SPEG: variants seen among roughly 807,000 people sequenced by gnomAD.
The protein encoded by SPEG is striated muscle preferentially expressed protein kinase.
SPEG carries 114 observed loss-of-function variants against 300.4 expected under a neutral mutation model. That is an observed-to-expected ratio of 0.38 (90% CI 0.33 to 0.44). The LOEUF (loss-of-function observed/expected upper bound fraction) is 0.44. Among genes scored for constraint, SPEG ranks in the 20% least tolerant of loss-of-function variants. The probability of loss-of-function intolerance (pLI) is 1.00; values close to 1 mark genes in which losing one functional copy is unlikely to be tolerated. For missense variants in SPEG, 4,201 were observed against 4,586.2 expected, an observed-to-expected ratio of 0.92 and a Z score of 2.43; for synonymous variants, 1,964 against 2,018.9, an observed-to-expected ratio of 0.97 and a Z score of 0.73.
chr2:219,477,698 C>G lies in SPEG; in HGVS notation c.4739C>G (p.Ala1580Gly), dbSNP rs1214334550. ...GACATCTCTGCCCCAGCTCAGACAGCTATGGAGGTCGAGGGGGTCGGGGAG... is the reference window on the plus strand; with the variant it reads ...GACATCTCTGCCCCAGCTCAGACAGGTATGGAGGTCGAGGGGGTCGGGGAG... The part of the protein sequence containing the change: ...AELAVHSAQT[A>G]MEVEGVGEDE... Residue 1580 changes from alanine to glycine, a missense_variant, in exon 21 of 41, where the codon GCT becomes GGT. Ala to Gly is a moderately conservative substitution (Grantham distance 60, BLOSUM62 0). Transcript: ENST00000312358. This position sits in a 1 kb window ranked among gnomAD's most constrained non-coding sequence, Gnocchi z 6.4. The G allele has an allele frequency of 6.3e-7, 1 of 1,588,252 alleles. No homozygotes were observed.
chr2:219,460,114 G>T (rs1047452122), intron 6 of SPEG, among the ~76,000 whole-genome samples: 1 of 152,210 alleles, frequency 6.6e-6, no homozygotes, highest in African/African-American at 2.4e-5. Context: ...GTGGGTGGCG[G>T]GCAAGTTGCC....
intron 3 of SPEG, among the ~76,000 whole-genome samples, 168 bp from the exon 4 acceptor site, chr2:219,447,806 C>A (rs1457852259): frequency 6.6e-6 from 1 of 151,486 alleles, no homozygotes; most frequent in Non-Finnish European, 1.5e-5. Flanking sequence ...CCAGCACCTG[C>A]TCTGGCTGTG....
Position 219,490,832 on chromosome 2 carries a change from G to A in SPEG, c.9261G>A (p.Lys3087=), listed in dbSNP as rs1269828158. The A allele has an allele frequency of 2.5e-6, 4 of 1,613,966 alleles. No individual in the cohort carries two copies. The Admixed American group carries it at 5.0e-5, about 20-fold the overall frequency. The change falls in exon 38 of 41, where the codon AAG becomes AAA. Residue 3087 remains lysine (K), a synonymous_variant. Transcript: ENST00000312358. ...HGHHVLHLDI[K]PDNLLLAPDN... is the part of the protein sequence containing the mutation. ...ACCACGTGCTCCACCTAGACATCAA[G>A]CCAGACAACCTGCTGCTGGCCCCTG...
chr2:219,487,115 C>G (rs910410978), intron 31 of SPEG, among the ~76,000 whole-genome samples: 1 of 152,136 alleles, frequency 6.6e-6, no homozygotes, highest in Non-Finnish European at 1.5e-5. Context: ...CTATCCCCAC[C>G]CTTCACCCAC....
At chr2:219,465,840 T>C (rs1691232264) in intron 9 of SPEG, 3 of 609,136 alleles carry the variant, frequency 4.9e-6, no homozygotes, top group Non-Finnish European at 8.9e-6. Flanking sequence ...CGTGCGTGTA[T>C]GTGCATGCAT....
rs1689786930 is a variant in SPEG, at chr2:219,451,878, C to T, written c.2440+71C>T. Reference sequence around the variant, plus strand: ...CTCTCCCCTGGCCCAGGCCCCAGTCCACCTCCCTTCCCACTCTCAGCCTTG... The same window carrying T: ...CTCTCCCCTGGCCCAGGCCCCAGTCTACCTCCCTTCCCACTCTCAGCCTTG... On this transcript the variant is annotated intron_variant, in intron 6 of 40. Transcript: ENST00000312358. The surrounding 1 kb of genome is among the most constrained non-coding windows in gnomAD (Gnocchi z 6.4). 3.6e-6 allele frequency: 5 copies of T among 1,407,990 alleles called. No homozygotes were observed. The highest frequency in any genetic ancestry group is 2.9e-5 in the South Asian group (2 of 68,568). The allele number at this position is 1,407,990 out of a possible 1,614,324, so 87.2% of individuals were successfully genotyped here.
In SPEG at chr2:219,479,174, C is replaced by T. The variant is rs1692606509; in HGVS notation, c.5058C>T (p.Ala1686=). The T allele has an allele frequency of 2.5e-6, 4 of 1,613,676 alleles. No individual in the cohort carries two copies. The highest frequency in any genetic ancestry group is 3.4e-6 in the Non-Finnish European group (4 of 1,179,964). The change falls in exon 23 of 41, where the codon GCC becomes GCT. Residue 1686 remains alanine, a synonymous_variant. Transcript: ENST00000312358. The surrounding 1 kb of genome is among the most constrained non-coding windows in gnomAD (Gnocchi z 5.5). ...LCTEELLERI[A]RKPTVCESEI... ...CAGAGGAGCTGCTGGAGCGAATCGC[C>T]AGGAAACCCACCGTGTGTGAGTCTG...
At chr2:219,457,837 A>G (rs1445534763) in intron 6 of SPEG, among the ~76,000 whole-genome samples, 1 of 152,148 alleles carries the variant, frequency 6.6e-6, no homozygotes, top group African/African-American at 2.4e-5. Flanking sequence ...TTTTGCTTCA[A>G]ACTTTTCCGC....
rs1428289275 is a variant in SPEG at position 219,473,475 on chromosome 2, G to T, written c.4148-29G>T. On this transcript the variant is annotated intron_variant, in intron 16 of 40. Transcript: ENST00000312358. The surrounding 1 kb of genome is among the most constrained non-coding windows in gnomAD (Gnocchi z 4.6). ...TGCTGAGGACCTGATGTCAAGCCCA[G>T]CACAGAGCCTGCGCTCTCCTCCTCC... 1 of 1,611,992 alleles carries T rather than the reference G, an allele frequency of 6.2e-7. No individual in the cohort carries two copies.
chr2:219,447,908 A>G, intron 3 of SPEG, 66 bp from the exon 4 acceptor site: 1 of 1,478,784 alleles, frequency 6.8e-7, no homozygotes, highest in East Asian at 2.3e-5. Flanking sequence ...AATTCCTGTC[A>G]CAAGCTAAGG....
chr2:219,450,916 G>A (rs1360242077), intron 4 of SPEG: 3 of 495,036 alleles, frequency 6.1e-6, no homozygotes, highest in African/African-American at 3.9e-5. Flanking sequence ...CTAACATGGA[G>A]TCAAGGCTGC....
rs184930444 is a variant in SPEG, at chr2:219,450,492, A to G, written c.2114-644A>G. On this transcript the variant is annotated intron_variant, in intron 4 of 40. Transcript: ENST00000312358. ...ACAGTGGAGTTTGTCATCTCTCTGT[A>G]TGTATGAGCTTCCTGTAAGCAGGGA... Among the ~76,000 whole-genome samples, 13 of 152,320 alleles carry G rather than the reference A, an allele frequency of 8.5e-5. No individual in the cohort carries two copies. In the East Asian group the frequency reaches 2.3e-3, roughly 27 times the overall value.
chr2:219,454,762 C>T (rs1334751156), intron 6 of SPEG, among the ~76,000 whole-genome samples: 1 of 152,174 alleles, frequency 6.6e-6, no homozygotes, highest in African/African-American at 2.4e-5. Flanking sequence ...AATAACTGCC[C>T]ATGAAGCAAA....
Position 219,477,998 on chromosome 2 carries a change from A to G in SPEG, c.4920A>G (p.Ala1640=), listed in dbSNP as rs1692507043. The part of the protein sequence containing the change: ...KFIPSQAKPK[A]SARREARLLA... ...TCCCCAGCCAGGCCAAGCCAAAGGCATCAGCGCGTCGGGAGGCCCGGCTGC... is the reference window on the plus strand; with the variant it reads ...TCCCCAGCCAGGCCAAGCCAAAGGCGTCAGCGCGTCGGGAGGCCCGGCTGC... The change falls in exon 22 of 41, where the codon GCA becomes GCG. Residue 1640 remains alanine (A), a synonymous_variant. Coordinates refer to ENST00000312358, the MANE Select transcript of SPEG (RefSeq NM_005876.5). The surrounding 1 kb of genome is among the most constrained non-coding windows in gnomAD (Gnocchi z 6.4). The G allele has an allele frequency of 1.9e-6, 3 of 1,614,220 alleles. No individual in the cohort carries two copies. The highest frequency in any genetic ancestry group is 2.5e-6 in the Non-Finnish European group (3 of 1,180,052).
intron 1 of SPEG, among the ~76,000 whole-genome samples, chr2:219,441,253 T>C (rs1281118137): frequency 1.3e-5 from 2 of 152,186 alleles, no homozygotes; most frequent in African/African-American, 2.4e-5. Context: ...TTGAGAACAC[T>C]GGCCAACTTT....
chr2:219,489,339 C>A lies in SPEG; in HGVS notation c.8321C>A (p.Ser2774Tyr), dbSNP rs78622154. 8.4e-5 allele frequency: 135 copies of A among 1,613,624 alleles called. 1 individual carries two copies. In the East Asian group the frequency reaches 2.9e-3, roughly 35 times the overall value. ...EKVFVRGTQD[S>Y]SAVPSAAHQE... ...GATGATTTTCTCTCTCTCTTAGATTCTTCAGCTGTGCCATCTGCTGCCCAC... is the reference window on the plus strand; with the variant it reads ...GATGATTTTCTCTCTCTCTTAGATTATTCAGCTGTGCCATCTGCTGCCCAC... The change falls in exon 36 of 41, where the codon TCT becomes TAT. Residue 2774 changes from serine to tyrosine, a missense_variant. Ser to Tyr is a moderately radical substitution (Grantham distance 144, BLOSUM62 -2). Around this residue, in one of 4 missense-constraint regions of SPEG, gnomAD observed 1,578 missense variants for 1,506.0 expected, o/e 1.05. Coordinates refer to ENST00000312358, the MANE Select transcript of SPEG (RefSeq NM_005876.5).
At position 219,449,056 on chromosome 2, in the gene SPEG, C is replaced by G; in HGVS notation, c.1898C>G (p.Pro633Arg). 3.3e-6 allele frequency: 5 copies of G among 1,518,736 alleles called. No homozygotes were observed. The highest frequency in any genetic ancestry group is 4.4e-6 in the Non-Finnish European group (5 of 1,133,050). 94.1% of individuals were successfully genotyped at this position (1,518,736 alleles called of 1,614,324 possible). ...TKAPPGRKRE[P>R]PAQAVRFLPW... ...GCACCCCCCGGTCGGAAGCGGGAGC[C>G]CCCGGCGCAGGCCGTGCGCTTCCTG... Residue 633 changes from proline to arginine, a missense_variant, in exon 4 of 41, where the codon CCC (proline) becomes CGC (arginine). Coordinates refer to ENST00000312358, the MANE Select transcript of SPEG (RefSeq NM_005876.5).
Position 219,490,755 on chromosome 2 carries a change from G to A in SPEG, c.9184G>A (p.Val3062Met), listed in dbSNP as rs756716884. Reference protein sequence around the residue: ...SDRFRYSEDDVATYMVQLLQG... With the variant: ...SDRFRYSEDDMATYMVQLLQG... The stretch of plus-strand genomic sequence containing the variant: ...CAGGTTCCGGTATTCTGAGGATGAC[G>A]TGGCCACTTACATGGTGCAGCTGCT... Residue 3062 changes from valine (V) to methionine (M), a missense_variant, in exon 38 of 41, where the codon GTG (valine) becomes ATG (methionine). Around this residue, in one of 4 missense-constraint regions of SPEG, gnomAD observed 318 missense variants for 429.5 expected, o/e 0.74. Coordinates refer to ENST00000312358, the MANE Select transcript of SPEG (RefSeq NM_005876.5). 2 of 1,614,084 alleles carry A rather than the reference G, an allele frequency of 1.2e-6. No individual in the cohort carries two copies. Among genetic ancestry groups the A allele is most frequent in the Non-Finnish European group, 1.7e-6 (2 of 1,180,018 alleles).
In SPEG at chr2:219,483,594, G is replaced by T. The variant is rs919617801; in HGVS notation, c.6131G>T (p.Arg2044Leu). 2.0e-6 allele frequency: 3 copies of T among 1,483,256 alleles called. No homozygotes were observed. The highest frequency in any genetic ancestry group is 2.9e-5 in the African/African-American group (2 of 67,958). 91.9% of individuals were successfully genotyped at this position (1,483,256 alleles called of 1,614,324 possible). A position where few individuals can be genotyped will look rare whatever the true frequency, so the allele number is the denominator to read the frequency against. Residue 2044 changes from arginine (R) to leucine (L), a missense_variant, in exon 30 of 41, where the codon CGG (arginine) becomes CTG (leucine). Coordinates refer to ENST00000312358, the MANE Select transcript of SPEG (RefSeq NM_005876.5). ...KAASVELPQR[R>L]SPSPGATRLA... ...GCGTCTGTGGAGCTGCCGCAGCGCC[G>T]GAGCCCCAGCCCGGGAGCCACCCGC...
Sources: allele counts gnomAD v4.1 joint callset (sites outside exome capture counted in the v4.1 genomes callset), GRCh38; gene constraint gnomAD v4.1.1; regional missense constraint gnomAD v4.1.1; non-coding constraint Gnocchi (gnomAD v3.1); transcripts MANE v1.5; gene names NCBI Gene and HGNC (gene_info 2026-07-23, HGNC 2026-07-21).